Variants in TEP1 observed in about 807,000 individuals in gnomAD.
The protein encoded by TEP1 is telomerase protein component 1.
A neutral mutation model predicts 306.3 loss-of-function variants in TEP1; 241 were observed. That is an observed-to-expected ratio of 0.79 (90% CI 0.71 to 0.88). The LOEUF (loss-of-function observed/expected upper bound fraction) is 0.88. TEP1 is among the 40% of genes least tolerant of loss of function. The probability of loss-of-function intolerance (pLI) is 0.00; values close to 1 mark genes in which losing one functional copy is unlikely to be tolerated. For missense variants in TEP1, 3,051 were observed against 3,276.1 expected, an observed-to-expected ratio of 0.93 and a Z score of 1.68; for synonymous variants, 1,289 against 1,305.5, an observed-to-expected ratio of 0.99 and a Z score of 0.27.
rs991007307 is a variant in TEP1, at chr14:20,384,457, C to A, written c.3273G>T (p.Gly1091=). The part of the protein sequence containing the change: ...GVAAGRPYVG[G]LEEFGQLVLQ... ...GAACCAACTGCCCAAACTCCTCCAG[C>A]CCGCCAACATAGGGCCGGCCAGCTG... Residue 1091 remains glycine, a synonymous_variant, in exon 23 of 55, where the codon GGG becomes GGT. Coordinates refer to ENST00000262715, the MANE Select transcript of TEP1 (RefSeq NM_007110.5). 3.1e-6 allele frequency: 5 copies of A among 1,614,074 alleles called. No individual in the cohort carries two copies. The highest frequency in any genetic ancestry group is 3.3e-4 in the Middle Eastern group (2 of 6,084).
rs1877526121 is a variant in TEP1, at chr14:20,389,624, T to A, written c.2451A>T (p.Arg817Ser). ...AGCACCCTTACAGGTATTGTACCCT[T>A]CTTAGGAGGATACCAACAAAGAGGC... ...SKCLFVGILL[R>S]RVQYLSTDLN... Residue 817 changes from arginine to serine, a missense_variant, in exon 16 of 55, where the codon AGA (arginine) becomes AGT (serine). By Grantham distance (110) the Arg-to-Ser change is moderately radical. Around this residue, in one of 3 missense-constraint regions of TEP1, gnomAD observed 1,507 missense variants for 1,550.5 expected, o/e 0.97. Transcript: ENST00000262715. 6.8e-6 allele frequency: 11 copies of A among 1,614,062 alleles called. No homozygotes were observed. The highest frequency in any genetic ancestry group is 9.3e-6 in the Non-Finnish European group (11 of 1,180,026).
At position 20,391,720 on chromosome 14, in the gene TEP1, A is replaced by G. The variant is rs1358355725; in HGVS notation, c.1976T>C (p.Leu659Pro). The G allele has an allele frequency of 6.2e-7, 1 of 1,614,094 alleles. No individual in the cohort carries two copies. Among genetic ancestry groups the G allele is most frequent in the African/African-American group, 1.3e-5 (1 of 74,936 alleles). ...CACAGAGAGGTTCACAGCTGTCTCT[A>G]GGGCCTGTCGGTACCTGTTCAGCAT... Reference protein sequence around the residue: ...GEMLNRYRQALETAVNLSVKH... With the variant: ...GEMLNRYRQAPETAVNLSVKH... The change falls in exon 13 of 55, where the codon CTA becomes CCA. Residue 659 changes from leucine to proline, a missense_variant. Around this residue, in one of 3 missense-constraint regions of TEP1, gnomAD observed 1,507 missense variants for 1,550.5 expected, o/e 0.97. Transcript: ENST00000262715.
At chr14:20,410,727 A>T (rs567701110) in intron 1 of TEP1, among the ~76,000 whole-genome samples, 27 of 145,804 alleles carry the variant, frequency 1.9e-4, no homozygotes, top group African/African-American at 6.6e-4. Context: ...GGTGTGAGCC[A>T]CTGTGCCTGG....
At chr14:20,391,223 T>A in intron 13 of TEP1, 127 bp from the exon 14 acceptor site, 1 of 1,003,934 alleles carries the variant, frequency 1.0e-6, no homozygotes, top group East Asian at 2.6e-5. Context: ...AATCCCAAGT[T>A]AGGAGGGGTC....
In TEP1 at chr14:20,383,123, T is replaced by C. The variant is rs747381986; in HGVS notation, c.4047+51A>G. On this transcript the variant is annotated intron_variant, in intron 27 of 54. Transcript: ENST00000262715. Reference sequence around the variant, plus strand: ...GCGGCCTCGGCACCCCAGGTCCTCATAGCTCCCAGATTCACCCCACACACC... The same window carrying C: ...GCGGCCTCGGCACCCCAGGTCCTCACAGCTCCCAGATTCACCCCACACACC... 2.5e-5 allele frequency: 39 copies of C among 1,529,900 alleles called. No homozygotes were observed. The East Asian group carries it at 3.6e-4, about 14-fold the overall frequency. The allele number at this position is 1,529,900 out of a possible 1,614,324, so 94.8% of individuals were successfully genotyped here. A position where few individuals can be genotyped will look rare whatever the true frequency, so the allele number is the denominator to read the frequency against.
Position 20,380,491 on chromosome 14 carries a change from A to C in TEP1, c.4763-16T>G. The C allele has an allele frequency of 1.2e-6, 2 of 1,603,324 alleles. No individual in the cohort carries two copies. The highest frequency in any genetic ancestry group is 1.7e-6 in the Non-Finnish European group (2 of 1,176,240). On this transcript the variant is annotated splice_polypyrimidine_tract_variant and intron_variant, in intron 33 of 54. Transcript: ENST00000262715. ...ACTGAAGAAGCTATAAAAGGGTGGCAGAATGTCACTGGGGAGCCAGCTGGA... is the reference window on the plus strand; with the variant it reads ...ACTGAAGAAGCTATAAAAGGGTGGCCGAATGTCACTGGGGAGCCAGCTGGA...
chr14:20,368,962 C>T, intron 53 of TEP1, 60 bp from the exon 54 acceptor site: 1 of 1,223,332 alleles, frequency 8.2e-7, no homozygotes, highest in Non-Finnish European at 1.2e-6. Context: ...CTCAGAGAAG[C>T]ATCACAATGT....
intron 9 of TEP1, among the ~76,000 whole-genome samples, chr14:20,397,075 C>A (rs550478589): frequency 6.6e-6 from 1 of 152,140 alleles, no homozygotes; most frequent in Non-Finnish European, 1.5e-5. Flanking sequence ...AAGTTTGGAA[C>A]AAAATTTATG....
chr14:20,389,200 C>A, intron 17 of TEP1, 38 bp downstream of exon 17: 5 of 1,587,584 alleles, frequency 3.1e-6, no homozygotes, highest in Non-Finnish European at 4.3e-6. Context: ...AACTTTCCAA[C>A]AAAGTATCCA....
intron 43 of TEP1, among the ~76,000 whole-genome samples, chr14:20,374,943 T>C (rs1049372596): frequency 6.6e-6 from 1 of 151,776 alleles, no homozygotes; most frequent in Non-Finnish European, 1.5e-5. Context: ...TACAAAAAAT[T>C]AGCTGGGCAT....
chr14:20,371,541 C>T lies in TEP1; in HGVS notation c.7168G>A (p.Ala2390Thr), dbSNP rs773591904. The change falls in exon 50 of 55, where the codon GCA becomes ACA. Residue 2390 changes from alanine (A) to threonine (T), a missense_variant. Ala to Thr is a moderately conservative substitution (Grantham distance 58, BLOSUM62 0). Coordinates refer to ENST00000262715, the MANE Select transcript of TEP1 (RefSeq NM_007110.5). ...TTCATGCAAAGTAACTTCAAATCTG[C>T]TTTGGCCAAGATGAGAAAGTGACCA... ...PDGHFLILAK[A>T]DLKLLCMKPG... The T allele has an allele frequency of 3.9e-5, 63 of 1,608,862 alleles. 1 individual carries two copies. The South Asian group carries it at 6.8e-4, about 17-fold the overall frequency.
chr14:20,398,729 C>A (rs149939907), intron 9 of TEP1, among the ~76,000 whole-genome samples: 145 of 152,182 alleles, frequency 9.5e-4, no homozygotes, highest in African/African-American at 3.4e-3. Flanking sequence ...TGCATTCAAA[C>A]CACTTTAGAG....
At chr14:20,387,336 C>T (rs1482243261) in intron 18 of TEP1, among the ~76,000 whole-genome samples, 4 of 148,152 alleles carry the variant, frequency 2.7e-5, no homozygotes, top group African/African-American at 4.9e-5. Flanking sequence ...CACCTGAGGT[C>T]GGGAGTTCAA....
rs575125803 is a variant in TEP1, at chr14:20,407,410, G to A, written c.567+463C>T. Among the ~76,000 whole-genome samples, 5 of 152,300 alleles carry A rather than the reference G, an allele frequency of 3.3e-5. No homozygotes were observed. The South Asian group carries it at 8.3e-4, about 25-fold the overall frequency. On this transcript the variant is annotated intron_variant, in intron 2 of 54. Coordinates refer to ENST00000262715, the MANE Select transcript of TEP1 (RefSeq NM_007110.5). ...GTCTCTCTCTGTTGCCCAGATTGGA[G>A]TGCAGTGACACAATCTCGCCTCCCG...
In TEP1 at chr14:20,376,164, AG is replaced by A. The variant is rs757036808; in HGVS notation, c.6188del (p.Pro2063LeufsTer2). The part of the protein sequence containing the change: ...CGTELRGHEG[P>X]VSCCSFSTDG... Reference sequence around the variant, plus strand: ...CAGTGCTGAAACTACAGCAGCTCACAGGGCCCTCATGTCCCCGCAGCTCAGT... The same window carrying A: ...CAGTGCTGAAACTACAGCAGCTCACAGGCCCTCATGTCCCCGCAGCTCAGT... On this transcript the variant is annotated frameshift_variant, in exon 42 of 55. Transcript: ENST00000262715. LOFTEE classifies it high-confidence loss of function. 129 of 1,614,084 alleles carry A rather than the reference AG, an allele frequency of 8.0e-5. 1 individual carries two copies. In the South Asian group the frequency reaches 1.3e-3, roughly 17 times the overall value.
intron 4 of TEP1, 86 bp downstream of exon 4, chr14:20,405,365 A>G (rs3762146): frequency 0.21 from 318,108 of 1,545,354 alleles, 35,327 homozygotes; most frequent in African/African-American, 0.4. Flanking sequence ...CCCAACATGA[A>G]GCTAGTCACC....
In TEP1 at chr14:20,384,197, T is replaced by C; in HGVS notation, c.3375A>G (p.Pro1125=). 6.2e-7 allele frequency: 1 copy of C among 1,614,180 alleles called. No homozygotes were observed. Among genetic ancestry groups the C allele is most frequent in the Non-Finnish European group, 8.5e-7 (1 of 1,180,032 alleles). The change falls in exon 24 of 55, where the codon CCA becomes CCG. Residue 1125 remains proline (P), a synonymous_variant. Transcript: ENST00000262715. Reference sequence around the variant, plus strand: ...AGGTGGCCTGGACCAAGTCATCGTCTGGGATGGACACTGGCTGCTCCAGCA... The same window carrying C: ...AGGTGGCCTGGACCAAGTCATCGTCCGGGATGGACACTGGCTGCTCCAGCA... ...GALLEQPVSI[P]DDDLVQATFQ...
chr14:20,377,225 A>AAAAAG (rs1196421302), intron 41 of TEP1, 55 bp downstream of exon 41: 6 of 1,455,754 alleles, frequency 4.1e-6, no homozygotes, highest in Middle Eastern at 1.8e-4. Context: ...TAAAAAAAAA[A>AAAAAG]AAAAGAAAAG....
chr14:20,410,136 T>C (rs1879539001), intron 1 of TEP1, among the ~76,000 whole-genome samples: 1 of 151,666 alleles, frequency 6.6e-6, no homozygotes. Context: ...CACTAAGTGT[T>C]CAATATAGAA....
Sources: gnomAD v4.1 joint callset for allele counts (sites outside exome capture counted in the v4.1 genomes callset) on GRCh38, gnomAD v4.1.1 for gene constraint, gnomAD v4.1.1 regional missense constraint, MANE v1.5 for transcripts, NCBI Gene and HGNC (gene_info 2026-07-23, HGNC 2026-07-21) for gene names.